Variants in NEGR1 observed in about 807,000 individuals in gnomAD.
NEGR1 encodes the protein IgLON family member 4.
In NEGR1, 10 loss-of-function variants were observed where a neutral mutation model predicts 40.9. The ratio of observed to expected loss-of-function variants is 0.24; its 90% CI spans 0.15 to 0.42. The LOEUF (loss-of-function observed/expected upper bound fraction) is 0.42, where lower values mean the gene tolerates loss of function less well. Among genes scored for constraint, NEGR1 ranks in the 10% least tolerant of loss-of-function variants. The pLI, the probability that NEGR1 is intolerant of heterozygous loss-of-function variation, is 1.00. For synonymous variants in NEGR1, 185 were observed against 166.8 expected (o/e 1.11, Z -0.84); for missense variants, 352 against 438.9 (o/e 0.80, Z 1.77).
At chr1:72,077,183 C>T (rs887489718) in intron 1 of NEGR1, among the ~76,000 whole-genome samples, 6 of 151,970 alleles carry the variant, frequency 3.9e-5, no homozygotes, top group African/African-American at 1.4e-4. Context: ...CATGAGCCAC[C>T]GTGCCCGGCC....
chr1:71,546,402 TAGTGGGC>T (rs1288856612), intron 6 of NEGR1, among the ~76,000 whole-genome samples: 2 of 151,714 alleles, frequency 1.3e-5, no homozygotes, highest in African/African-American at 2.4e-5. Context: ...ATATGCTTTC[TAGTGGGC>T]ACACAACAAA....
intron 2 of NEGR1, among the ~76,000 whole-genome samples, chr1:71,928,961 C>T (rs145969207): frequency 5.9e-4 from 89 of 152,114 alleles, no homozygotes; most frequent in African/African-American, 2.0e-3. Context: ...TAGAACAGGT[C>T]GAAATCCCCT....
At chr1:71,465,579 A>T (rs1318744787) in intron 6 of NEGR1, among the ~76,000 whole-genome samples, 1 of 152,110 alleles carries the variant, frequency 6.6e-6, no homozygotes, top group African/African-American at 2.4e-5. Flanking sequence ...TTGGGTCTCC[A>T]TGAACCCATT....
At chr1:71,707,045 G>A (rs1304915126) in intron 3 of NEGR1, among the ~76,000 whole-genome samples, 4 of 152,162 alleles carry the variant, frequency 2.6e-5, no homozygotes, top group African/African-American at 9.7e-5. Context: ...ATCCGAAGAA[G>A]GAGGATTTAA....
intron 2 of NEGR1, among the ~76,000 whole-genome samples, chr1:71,916,624 C>G (rs941743014): frequency 6.6e-6 from 1 of 152,020 alleles, no homozygotes; most frequent in African/African-American, 2.4e-5. Context: ...GGCATAGGGG[C>G]GTGTGCTTGT....
intron 6 of NEGR1, among the ~76,000 whole-genome samples, chr1:71,465,371 A>G (rs573989091): frequency 6.6e-6 from 1 of 152,174 alleles, no homozygotes; most frequent in East Asian, 1.9e-4. Flanking sequence ...TAATTATTTC[A>G]GTATCTGAGT....
At chr1:72,222,983 T>C (rs1229148337) in intron 1 of NEGR1, among the ~76,000 whole-genome samples, 1 of 152,170 alleles carries the variant, frequency 6.6e-6, no homozygotes, top group African/African-American at 2.4e-5. Flanking sequence ...ACTGTCTACC[T>C]GGGAGCCACT....
intron 1 of NEGR1, among the ~76,000 whole-genome samples, chr1:72,025,963 T>G (rs959936193): frequency 6.7e-6 from 1 of 150,370 alleles, no homozygotes; most frequent in South Asian, 2.1e-4. Context: ...TACAAAAAAT[T>G]AGCCGGGCGT....
intron 1 of NEGR1, among the ~76,000 whole-genome samples, chr1:72,239,429 C>A (rs924185508): frequency 4.0e-5 from 6 of 151,744 alleles, no homozygotes; most frequent in African/African-American, 1.2e-4. Context: ...TGTTTGAATA[C>A]ATAAAAATAA....
At chr1:72,186,848 A>G (rs1458116413) in intron 1 of NEGR1, among the ~76,000 whole-genome samples, 1 of 151,578 alleles carries the variant, frequency 6.6e-6, no homozygotes, top group African/African-American at 2.4e-5. Flanking sequence ...TCTGCAAAAG[A>G]TTATCATCAG....
At chr1:71,663,402 G>A (rs1234057440) in intron 4 of NEGR1, among the ~76,000 whole-genome samples, 1 of 151,766 alleles carries the variant, frequency 6.6e-6, no homozygotes, top group African/African-American at 2.4e-5. Context: ...TTGCTTCTTT[G>A]TCTATATGCT....
intron 2 of NEGR1, among the ~76,000 whole-genome samples, chr1:71,888,299 G>A (rs1465916513): frequency 6.6e-6 from 1 of 152,056 alleles, no homozygotes; most frequent in Non-Finnish European, 1.5e-5. Flanking sequence ...ATTTCCATCT[G>A]AGGTACCGGG....
Position 71,541,650 on chromosome 1 carries a change from C to CA in NEGR1, c.940+51166dup, listed in dbSNP as rs145737760. Among the ~76,000 whole-genome samples the CA allele has an allele frequency of 2.7e-3, 413 of 151,852 alleles. 3 individuals carry two copies. The highest frequency in any genetic ancestry group is 4.9e-3 in the Admixed American group (74 of 15,240). On this transcript the variant is annotated intron_variant, in intron 6 of 6. Coordinates refer to ENST00000357731, the MANE Select transcript of NEGR1 (RefSeq NM_173808.3). ...GGGTAAGGACAGATTCAACATGGAA[C>CA]AGCAGGAACAGAACGGGCTGTCAGA...
At chr1:71,466,270 A>G (rs1646745282) in intron 6 of NEGR1, among the ~76,000 whole-genome samples, 1 of 152,114 alleles carries the variant, frequency 6.6e-6, no homozygotes, top group Admixed American at 6.6e-5. Context: ...CTATATTCCT[A>G]GGTATAATCA....
rs918190610 is a variant in NEGR1 at position 71,455,033 on chromosome 1, G to A, written c.941-47463C>T. 4.6e-5 allele frequency among the ~76,000 whole-genome samples: 7 copies of A among 152,230 alleles called. No homozygotes were observed. The South Asian group carries it at 6.2e-4, about 14-fold the overall frequency. On this transcript the variant is annotated intron_variant, in intron 6 of 6. Transcript: ENST00000357731. The stretch of plus-strand genomic sequence containing the variant: ...GCACAGATGTAAGTGAGCAGTAGGA[G>A]TATCTACAAAGGACTTACATTTTGA...
At chr1:71,785,470 C>G (rs924654487) in intron 2 of NEGR1, among the ~76,000 whole-genome samples, 1 of 151,682 alleles carries the variant, frequency 6.6e-6, no homozygotes, top group East Asian at 1.9e-4. Context: ...AACAATTTGG[C>G]AGTATATTTT....
intron 6 of NEGR1, among the ~76,000 whole-genome samples, chr1:71,492,362 C>T (rs1334951148): frequency 6.6e-6 from 1 of 151,932 alleles, no homozygotes; most frequent in Non-Finnish European, 1.5e-5. Context: ...AGTGTCAGTA[C>T]CTCTTGAAAG....
chr1:71,497,392 T>C (rs527996135), intron 6 of NEGR1, among the ~76,000 whole-genome samples: 129 of 152,280 alleles, frequency 8.5e-4, no homozygotes, highest in Admixed American at 2.7e-3. Flanking sequence ...TTGCTTAAAA[T>C]GTGTATTTCT....
intron 1 of NEGR1, among the ~76,000 whole-genome samples, chr1:72,158,144 G>C (rs534576633): frequency 1.3e-5 from 2 of 152,292 alleles, no homozygotes; most frequent in Non-Finnish European, 2.9e-5. Flanking sequence ...CTACGTGAGA[G>C]CCAGGCATTC....
Sources: gnomAD v4.1 joint callset for allele counts (sites outside exome capture counted in the v4.1 genomes callset) on GRCh38, gnomAD v4.1.1 for gene constraint, MANE v1.5 for transcripts, NCBI Gene and HGNC (gene_info 2026-07-23, HGNC 2026-07-21) for gene names.